The following FSD1L variants were observed in gnomAD, a reference collection of about 807,000 sequenced individuals.
FSD1L encodes the protein fibronectin type III and SPRY domain containing 1 like, also known as FSD1-like protein.
A neutral mutation model predicts 71.6 loss-of-function variants in FSD1L; 45 were observed. The observed-to-expected ratio is 0.63, with a 90% CI of 0.49 to 0.81. FSD1L has a LOEUF of 0.81. FSD1L is among the 30% of genes least tolerant of loss of function. The probability of loss-of-function intolerance (pLI) is 0.00; values close to 1 mark genes in which losing one functional copy is unlikely to be tolerated. For missense variants in FSD1L, 561 were observed against 618.1 expected (o/e 0.91, Z 0.98); for synonymous variants, 197 against 207.2 (o/e 0.95, Z 0.42).
At chr9:105,497,895 A>T (rs1833514563) in intron 7 of FSD1L, among the ~76,000 whole-genome samples, 1 of 151,896 alleles carries the variant, frequency 6.6e-6, no homozygotes, top group African/African-American at 2.4e-5. Context: ...CCAGTCTGGA[A>T]TGTAGTTATA....
At chr9:105,529,340 C>T (rs548572949) in intron 10 of FSD1L, among the ~76,000 whole-genome samples, 1 of 152,144 alleles carries the variant, frequency 6.6e-6, no homozygotes, top group East Asian at 1.9e-4. Context: ...TTTATCGGGT[C>T]ACTATTCACA....
chr9:105,519,513 TATA>T (rs1834972751), intron 10 of FSD1L, among the ~76,000 whole-genome samples: 1 of 152,088 alleles, frequency 6.6e-6, no homozygotes, highest in Admixed American at 6.5e-5. Flanking sequence ...AATCAATAAA[TATA>T]ATCCATCACA....
chr9:105,513,740 C>G (rs1358985650), intron 10 of FSD1L: 1 of 769,200 alleles, frequency 1.3e-6, no homozygotes, highest in Admixed American at 2.6e-5. Flanking sequence ...ATTGCGGCAG[C>G]CTTCATAAGC....
chr9:105,467,286 T>C (rs1156419355), intron 3 of FSD1L, among the ~76,000 whole-genome samples: 1 of 152,182 alleles, frequency 6.6e-6, no homozygotes, highest in African/African-American at 2.4e-5. Flanking sequence ...TTACAGTAGA[T>C]TGTATATATT....
chr9:105,480,660 T>C (rs1033503192), intron 6 of FSD1L, among the ~76,000 whole-genome samples: 1 of 152,194 alleles, frequency 6.6e-6, no homozygotes, highest in Non-Finnish European at 1.5e-5. Flanking sequence ...ATCATTCTTA[T>C]AAATCCTGGA....
chr9:105,530,797 C>A (rs1222419042), intron 10 of FSD1L: 3 of 501,608 alleles, frequency 6.0e-6, no homozygotes, highest in Admixed American at 7.6e-5. Flanking sequence ...ATGCCAAAGG[C>A]CTTTGTTTTT....
At chr9:105,544,029 A>G (rs1277903158) in intron 13 of FSD1L, among the ~76,000 whole-genome samples, 1 of 152,166 alleles carries the variant, frequency 6.6e-6, no homozygotes, top group East Asian at 1.9e-4. Flanking sequence ...CAATGGTTGA[A>G]CCAGTTTACT....
At chr9:105,463,218 A>C (rs1830833729) in intron 2 of FSD1L, among the ~76,000 whole-genome samples, 1 of 152,038 alleles carries the variant, frequency 6.6e-6, no homozygotes, top group Admixed American at 6.6e-5. Flanking sequence ...CCCTTTGTCG[A>C]TATCTGATTA....
At chr9:105,446,555 G>C (rs575698147), upstream of FSD1L, among the ~76,000 whole-genome samples, 1 of 151,834 alleles carries the variant, frequency 6.6e-6, no homozygotes, top group South Asian at 2.1e-4. Context: ...AATTTCTGTA[G>C]AGATGGGGTT....
intron 7 of FSD1L, among the ~76,000 whole-genome samples, chr9:105,504,069 A>T (rs1017405843): frequency 6.6e-6 from 1 of 152,220 alleles, no homozygotes; most frequent in Non-Finnish European, 1.5e-5. Context: ...CCAACCTCTC[A>T]GGACTTTCAG....
intron 10 of FSD1L, chr9:105,526,190 G>A (rs951896684): frequency 2.0e-5 from 32 of 1,593,152 alleles, no homozygotes; most frequent in Non-Finnish European, 2.5e-5. Flanking sequence ...AATGCAAGCC[G>A]TGCTCTGAAA....
chr9:105,545,989 A>G (rs1836976754), intron 13 of FSD1L, among the ~76,000 whole-genome samples: 1 of 152,118 alleles, frequency 6.6e-6, no homozygotes, highest in South Asian at 2.1e-4. Context: ...AACCAAAAGC[A>G]TAAGTGGGAA....
chr9:105,509,888 G>A (rs1222606441), intron 9 of FSD1L, among the ~76,000 whole-genome samples: 1 of 152,208 alleles, frequency 6.6e-6, no homozygotes, highest in African/African-American at 2.4e-5. Flanking sequence ...ATAGTCATAT[G>A]TAGGCAGATA....
At chr9:105,479,636 C>T (rs1208816434) in intron 6 of FSD1L, among the ~76,000 whole-genome samples, 1 of 152,152 alleles carries the variant, frequency 6.6e-6, no homozygotes, top group African/African-American at 2.4e-5. Flanking sequence ...AGTTTTAGAA[C>T]AGTTCTTAAT....
intron 2 of FSD1L, among the ~76,000 whole-genome samples, 180 bp downstream of exon 2, chr9:105,461,795 C>T (rs1468069374): frequency 1.3e-5 from 2 of 152,270 alleles, no homozygotes; most frequent in South Asian, 2.1e-4. Flanking sequence ...GGGAGGATTG[C>T]TGGAGCCCAG....
rs1021484862 is a variant in FSD1L, at chr9:105,520,653, C to G, written c.1025+7717C>G. 5.1e-5 allele frequency: 83 copies of G among 1,612,210 alleles called. No homozygotes were observed. The African/African-American group carries it at 1.0e-3, about 20-fold the overall frequency. ...GCGGGAAGGTGTTCGTCTTTTCTTA[C>G]TATGGTTGCAAGCTCTTCAGAATAA... On this transcript the variant is annotated intron_variant, in intron 10 of 13. Coordinates refer to ENST00000481272, the MANE Select transcript of FSD1L (RefSeq NM_001145313.3).
Position 105,461,860 on chromosome 9 carries a change from A to C in FSD1L, c.111+245A>C, listed in dbSNP as rs114703856. On this transcript the variant is annotated intron_variant, in intron 2 of 13. Coordinates refer to ENST00000481272, the MANE Select transcript of FSD1L (RefSeq NM_001145313.3). The stretch of plus-strand genomic sequence containing the variant: ...GAGACCTCGTCTCTACAAAAAATCA[A>C]ATAATGAGGCAGGTGGATATGGCTT... Among the ~76,000 whole-genome samples, 1,042 of 152,178 alleles carry C rather than the reference A, an allele frequency of 6.8e-3. 17 individuals carry two copies. Among genetic ancestry groups the C allele is most frequent in the African/African-American group, 0.024 (998 of 41,518 alleles).
At chr9:105,508,369 G>A (rs1457833782) in intron 8 of FSD1L, among the ~76,000 whole-genome samples, 5 of 151,510 alleles carry the variant, frequency 3.3e-5, no homozygotes, top group Non-Finnish European at 5.9e-5. Context: ...AGTAGAGACC[G>A]GGTTTCACCG....
chr9:105,489,902 CATT>C (rs1404499694), intron 7 of FSD1L, among the ~76,000 whole-genome samples: 1 of 152,192 alleles, frequency 6.6e-6, no homozygotes, highest in Admixed American at 6.5e-5. Context: ...TCCAGTCTAT[CATT>C]GTTGGACATT....
Sources: gnomAD v4.1 joint callset for allele counts (sites outside exome capture counted in the v4.1 genomes callset) on GRCh38, gnomAD v4.1.1 for gene constraint, MANE v1.5 for transcripts, NCBI Gene and HGNC (gene_info 2026-07-23, HGNC 2026-07-21) for gene names.